Variants in UTRN observed in about 807,000 individuals in gnomAD.
UTRN encodes dystrophin-related protein 1.
Under a neutral mutation model 463.9 loss-of-function variants are expected in UTRN, and 283 were observed. That is an observed-to-expected ratio of 0.61 (90% CI 0.55 to 0.67). UTRN has a LOEUF of 0.67. Ranked by LOEUF, UTRN falls within the 30% of genes least tolerant of loss-of-function variation. The pLI, the probability that UTRN is intolerant of heterozygous loss-of-function variation, is 0.00. For synonymous variants in UTRN, 1,442 were observed against 1,431.5 expected (o/e 1.01, Z -0.17); for missense variants, 3,922 against 4,084.3 (o/e 0.96, Z 1.08).
In UTRN at chr6:144,418,338, C is replaced by T. The variant is rs954531400; in HGVS notation, c.142-3540C>T. Among the ~76,000 whole-genome samples the T allele has an allele frequency of 3.9e-3, 588 of 150,860 alleles. 5 individuals are homozygous for T. The highest frequency in any genetic ancestry group is 0.013 in the African/African-American group (549 of 41,230). ...ATGCCATTCTCCTGCCTCAGCCTCC[C>T]GAGTAGCTGGGACTACAGGCGCCCG... On this transcript the variant is annotated intron_variant, in intron 3 of 74. Transcript: ENST00000367545.
intron 50 of UTRN, among the ~76,000 whole-genome samples, chr6:144,569,019 A>G (rs530279893): frequency 5.9e-5 from 9 of 152,184 alleles, no homozygotes; most frequent in Admixed American, 3.9e-4. Flanking sequence ...CAGTGATTTT[A>G]TTGACTTATG....
intron 2 of UTRN, among the ~76,000 whole-genome samples, chr6:144,376,616 TGAATTTTTCTAGAAAGATTTCTA>T (rs1206261368): frequency 6.6e-6 from 1 of 152,128 alleles, no homozygotes; most frequent in African/African-American, 2.4e-5. Context: ...CATTCTGATT[TGAATTTTTCTAGAAAGATTTCTA>T]GAATTTTTCT....
intron 71 of UTRN, 38 bp downstream of exon 71, chr6:144,836,579 C>T: frequency 6.2e-7 from 1 of 1,608,438 alleles, no homozygotes; most frequent in South Asian, 1.1e-5. Context: ...CCTCCCCAGG[C>T]CATCTGTCCA....
intron 14 of UTRN, among the ~76,000 whole-genome samples, chr6:144,445,559 TC>T (rs150795267): frequency 5.5e-5 from 8 of 145,060 alleles, no homozygotes; most frequent in Non-Finnish European, 8.9e-5. Flanking sequence ...AATGACTACT[TC>T]CCCCCCCGCC....
chr6:144,560,554 C>A (rs1414464837), intron 50 of UTRN, among the ~76,000 whole-genome samples: 2 of 152,058 alleles, frequency 1.3e-5, no homozygotes, highest in East Asian at 3.9e-4. Flanking sequence ...CAGCCAAATT[C>A]TGGAGGGGTG....
chr6:144,677,238 G>T (rs888084621), intron 51 of UTRN, among the ~76,000 whole-genome samples: 1 of 152,012 alleles, frequency 6.6e-6, no homozygotes, highest in Non-Finnish European at 1.5e-5. Context: ...CATACATTAG[G>T]TATTTGTCCT....
chr6:144,836,881 T>G (rs956255956), intron 71 of UTRN, among the ~76,000 whole-genome samples: 25 of 152,238 alleles, frequency 1.6e-4, no homozygotes, highest in Admixed American at 6.5e-5. Context: ...GCAAGAGACC[T>G]GAAATCGGCA....
At chr6:144,711,206 T>A (rs2128703662) in intron 53 of UTRN, among the ~76,000 whole-genome samples, 1 of 152,040 alleles carries the variant, frequency 6.6e-6, no homozygotes, top group East Asian at 1.9e-4. Context: ...CTCAGCTACT[T>A]GTTGGAGACT....
At chr6:144,663,643 G>T (rs548764259) in intron 51 of UTRN, among the ~76,000 whole-genome samples, 6 of 152,152 alleles carry the variant, frequency 3.9e-5, no homozygotes, top group Admixed American at 1.3e-4. Flanking sequence ...AGTTCTCTAA[G>T]GGATTTTTTG....
chr6:144,411,075 G>A (rs1055153292), intron 3 of UTRN, among the ~76,000 whole-genome samples: 1 of 152,066 alleles, frequency 6.6e-6, no homozygotes, highest in African/African-American at 2.4e-5. Flanking sequence ...TTTTCCTCTG[G>A]GTTGATACCC....
rs930350185 is a variant in UTRN, at chr6:144,651,855, G to C, written c.7480-26551G>C. ...TCAATAGGTTTTTGGGGGGCAAGTG[G>C]TGTTTGGTTACATGAATAAGTTCTT... is the stretch of plus-strand genomic sequence containing the variant. On this transcript the variant is annotated intron_variant, in intron 51 of 74. Transcript: ENST00000367545. Among the ~76,000 whole-genome samples, 3 of 151,946 alleles carry C rather than the reference G, an allele frequency of 2.0e-5. No homozygotes were observed. In the South Asian group the frequency reaches 6.3e-4, roughly 32 times the overall value.
chr6:144,578,891 G>C (rs1455736744), intron 51 of UTRN, among the ~76,000 whole-genome samples: 1 of 152,150 alleles, frequency 6.6e-6, no homozygotes, highest in African/African-American at 2.4e-5. Context: ...CAAATGTGTG[G>C]ATCTGGATGA....
intron 74 of UTRN, among the ~76,000 whole-genome samples, chr6:144,849,746 G>C (rs1403751952): frequency 2.0e-5 from 3 of 152,176 alleles, no homozygotes; most frequent in African/African-American, 7.2e-5. Context: ...AAAATGAGCA[G>C]TATTGTGTGT....
chr6:144,766,128 C>G (rs946900817), intron 58 of UTRN, among the ~76,000 whole-genome samples: 3 of 151,996 alleles, frequency 2.0e-5, no homozygotes, highest in Admixed American at 2.0e-4. Flanking sequence ...CACACCCACA[C>G]CCACACCCAC....
chr6:144,733,865 A>G (rs1349744262), intron 54 of UTRN, among the ~76,000 whole-genome samples: 2 of 152,250 alleles, frequency 1.3e-5, no homozygotes, highest in South Asian at 2.1e-4. Context: ...ATATGCAGCT[A>G]TTGTTTGTAT....
At chr6:144,708,686 T>C (rs1007972538) in intron 53 of UTRN, among the ~76,000 whole-genome samples, 1 of 152,202 alleles carries the variant, frequency 6.6e-6, no homozygotes, top group Admixed American at 6.5e-5. Flanking sequence ...TCTCAGGTTG[T>C]CTTTGCCCAG....
intron 51 of UTRN, among the ~76,000 whole-genome samples, chr6:144,654,974 A>G (rs553018450): frequency 9.9e-5 from 15 of 152,174 alleles, no homozygotes; most frequent in Admixed American, 3.3e-4. Context: ...GTCTATTGGA[A>G]TCTTTTGGTT....
chr6:144,617,063 T>C (rs1806197848), intron 51 of UTRN, among the ~76,000 whole-genome samples: 1 of 152,186 alleles, frequency 6.6e-6, no homozygotes, highest in South Asian at 2.1e-4. Context: ...AATACTGTTA[T>C]ACTGTAGTTG....
chr6:144,832,648 A>G (rs945455998), intron 69 of UTRN, among the ~76,000 whole-genome samples: 2 of 152,312 alleles, frequency 1.3e-5, no homozygotes, highest in South Asian at 2.1e-4. Flanking sequence ...TGGTCAAATC[A>G]TGGCCACAAG....
Sources: allele counts gnomAD v4.1 joint callset (sites outside exome capture counted in the v4.1 genomes callset), GRCh38; gene constraint gnomAD v4.1.1; transcripts MANE v1.5; gene names NCBI Gene and HGNC (gene_info 2026-07-23, HGNC 2026-07-21).